Variants in ZNF827 observed in about 807,000 individuals in gnomAD.
The protein encoded by ZNF827 is zinc finger protein 827.
A neutral mutation model predicts 102.4 loss-of-function variants in ZNF827; 13 were observed. The ratio of observed to expected loss-of-function variants is 0.13; its 90% CI spans 0.08 to 0.20. The LOEUF is 0.20. Ranked by LOEUF, ZNF827 falls within the 10% of genes least tolerant of loss-of-function variation. The pLI is 1.00. For synonymous variants in ZNF827, 523 were observed against 536.2 expected, an observed-to-expected ratio of 0.98 and a Z score of 0.34; for missense variants, 1,103 against 1,344.4, an observed-to-expected ratio of 0.82 and a Z score of 2.81.
In ZNF827 at chr4:145,765,304, A is replaced by C; in HGVS notation, c.3053-139T>G. ...TACCCTTCCAGGCACTGTTCCCCATATCTCTGTGCTAAAAGGAGTTAAATG... is the reference window on the plus strand; with the variant it reads ...TACCCTTCCAGGCACTGTTCCCCATCTCTCTGTGCTAAAAGGAGTTAAATG... On this transcript the variant is annotated intron_variant, in intron 12 of 14. Coordinates refer to ENST00000508784, the MANE Select transcript of ZNF827 (RefSeq NM_001306215.2). The surrounding 1 kb of genome is among the most constrained non-coding windows in gnomAD (Gnocchi z 4.7). The C allele has an allele frequency of 9.6e-7, 1 of 1,042,402 alleles. No homozygotes were observed. Among genetic ancestry groups the C allele is most frequent in the Non-Finnish European group, 1.4e-6 (1 of 738,132 alleles). The allele number at this position is 1,042,402 out of a possible 1,614,324, so 64.6% of individuals were successfully genotyped here. A position where few individuals can be genotyped will look rare whatever the true frequency, so the allele number is the denominator to read the frequency against.
At chr4:145,798,865 GTTTGTAAA>G (rs1740620384) in intron 8 of ZNF827, among the ~76,000 whole-genome samples, 2 of 152,288 alleles carry the variant, frequency 1.3e-5, no homozygotes, top group African/African-American at 4.8e-5. Flanking sequence ...TCCACTGTGA[GTTTGTAAA>G]TGTCTTTATT....
chr4:145,910,292 C>G (rs560627574), intron 1 of ZNF827, among the ~76,000 whole-genome samples: 1 of 152,146 alleles, frequency 6.6e-6, no homozygotes, highest in African/African-American at 2.4e-5. Context: ...GTAGCTAAGT[C>G]AGTTTCAGTA....
chr4:145,796,521 T>C (rs1740395147), intron 8 of ZNF827, among the ~76,000 whole-genome samples: 1 of 152,138 alleles, frequency 6.6e-6, no homozygotes, highest in Non-Finnish European at 1.5e-5. Context: ...CCTTAACCCC[T>C]GTGCAGGAAA....
intron 1 of ZNF827, among the ~76,000 whole-genome samples, chr4:145,933,557 A>G (rs1753958054): frequency 6.6e-6 from 1 of 152,242 alleles, no homozygotes; most frequent in Non-Finnish European, 1.5e-5. Flanking sequence ...AGAATTTTAA[A>G]AAGTTTTGTT....
chr4:145,775,648 G>A, intron 10 of ZNF827, 141 bp downstream of exon 10: 1 of 1,061,898 alleles, frequency 9.4e-7, no homozygotes, highest in Non-Finnish European at 1.4e-6. Flanking sequence ...GGCTCAATCT[G>A]AGCAAAGAAA....
At chr4:145,816,226 A>G (rs1019910925) in intron 8 of ZNF827, among the ~76,000 whole-genome samples, 7 of 152,220 alleles carry the variant, frequency 4.6e-5, no homozygotes, top group Admixed American at 4.6e-4. Context: ...AAGCACAAAC[A>G]TGAAAGTGTT....
intron 8 of ZNF827, among the ~76,000 whole-genome samples, chr4:145,798,821 G>A (rs1401747146): frequency 6.6e-6 from 1 of 152,232 alleles, no homozygotes; most frequent in Admixed American, 6.5e-5. Flanking sequence ...AGGTAAGAGA[G>A]CTACTGCCAT....
intron 3 of ZNF827, among the ~76,000 whole-genome samples, chr4:145,889,572 G>C (rs146724795): frequency 5.4e-5 from 3 of 55,386 alleles, no homozygotes; most frequent in Admixed American, 1.9e-4. Context: ...TTTTTTTTTT[G>C]AGACGGAGTC....
At position 145,765,479 on chromosome 4, in the gene ZNF827, C is replaced by G. The variant is rs1382871618; in HGVS notation, c.3052+68G>C. 37 of 1,529,870 alleles carry G rather than the reference C, an allele frequency of 2.4e-5. No individual in the cohort carries two copies. Among genetic ancestry groups the G allele is most frequent in the South Asian group, 3.9e-5 (3 of 77,144 alleles). 94.8% of individuals were successfully genotyped at this position (1,529,870 alleles called of 1,614,324 possible). ...TTTTTGACATCGCTCCTGTGCAGGGCTTATTCTCAAGAATGGGTCATCCTG... is the reference window on the plus strand; with the variant it reads ...TTTTTGACATCGCTCCTGTGCAGGGGTTATTCTCAAGAATGGGTCATCCTG... On this transcript the variant is annotated intron_variant, in intron 12 of 14. Coordinates refer to ENST00000508784, the MANE Select transcript of ZNF827 (RefSeq NM_001306215.2). This position sits in a 1 kb window ranked among gnomAD's most constrained non-coding sequence, Gnocchi z 4.7.
At chr4:145,829,922 T>C (rs1744042437) in intron 7 of ZNF827, among the ~76,000 whole-genome samples, 2 of 152,198 alleles carry the variant, frequency 1.3e-5, no homozygotes. Flanking sequence ...ACTTAGACCT[T>C]GAGAAACCCT....
intron 7 of ZNF827, among the ~76,000 whole-genome samples, chr4:145,841,288 T>C (rs559019234): frequency 5.3e-5 from 8 of 152,314 alleles, no homozygotes; most frequent in Non-Finnish European, 1.0e-4. Context: ...CTCGATCTTA[T>C]CCAGCATCTG....
intron 4 of ZNF827, among the ~76,000 whole-genome samples, chr4:145,871,615 G>T (rs905192756): frequency 6.6e-6 from 1 of 152,118 alleles, no homozygotes; most frequent in African/African-American, 2.4e-5. Context: ...CCTAATACAG[G>T]ATTCTTAGAA....
In ZNF827 at chr4:145,762,187, G is replaced by A. The variant is rs1734623470; in HGVS notation, c.*18-589C>T. Among the ~76,000 whole-genome samples the A allele has an allele frequency of 6.6e-6, 1 of 152,196 alleles. No individual in the cohort carries two copies. Among genetic ancestry groups the A allele is most frequent in the Non-Finnish European group, 1.5e-5 (1 of 68,034 alleles). On this transcript the variant is annotated intron_variant, in intron 14 of 14. Transcript: ENST00000508784. This position sits in a 1 kb window ranked among gnomAD's most constrained non-coding sequence, Gnocchi z 4.9. The stretch of plus-strand genomic sequence containing the variant: ...AAGGCCTGTGTGTGTCTCTCTGTGT[G>A]AGTGTGTGCATGTGTACATATCTAT...
Position 145,938,606 on chromosome 4 carries a change from T to G in ZNF827, c.-199A>C. 1.9e-6 allele frequency: 1 copy of G among 539,194 alleles called. No individual in the cohort carries two copies. The highest frequency in any genetic ancestry group is 3.2e-5 in the Admixed American group (1 of 31,738). The allele number at this position is 539,194 out of a possible 1,614,324, so 33.4% of individuals were successfully genotyped here. A position where few individuals can be genotyped will look rare whatever the true frequency, so the allele number is the denominator to read the frequency against. On this transcript the variant is annotated 5_prime_UTR_variant, in exon 1 of 15. Coordinates refer to ENST00000508784, the MANE Select transcript of ZNF827 (RefSeq NM_001306215.2). ...CCAGAAGAGGGGTTTTCTTCTTTTC[T>G]TTCCTTTCTTTTTTCCTTTTTTTTT...
intron 8 of ZNF827, among the ~76,000 whole-genome samples, chr4:145,803,661 TG>T (rs1741134841): frequency 6.6e-6 from 1 of 152,186 alleles, no homozygotes; most frequent in Admixed American, 6.5e-5. Flanking sequence ...TTTTTCCAAT[TG>T]ATCAAAGGAT....
At chr4:145,928,375 T>C (rs1225885703) in intron 1 of ZNF827, among the ~76,000 whole-genome samples, 1 of 152,200 alleles carries the variant, frequency 6.6e-6, no homozygotes, top group Non-Finnish European at 1.5e-5. Flanking sequence ...CTAATACATC[T>C]GGTTGAGAAC....
intron 1 of ZNF827, among the ~76,000 whole-genome samples, chr4:145,910,838 C>T (rs1277102357): frequency 6.6e-6 from 1 of 152,298 alleles, no homozygotes; most frequent in East Asian, 1.9e-4. Context: ...TCTTCCTCTG[C>T]CTGAAACAGC....
chr4:145,818,587 T>C (rs1742827665), intron 8 of ZNF827, among the ~76,000 whole-genome samples: 1 of 152,354 alleles, frequency 6.6e-6, no homozygotes, highest in East Asian at 1.9e-4. Context: ...TTTGTCTAAA[T>C]TGAAAAAGAA....
At chr4:145,867,271 A>G (rs1050848732) in intron 5 of ZNF827, among the ~76,000 whole-genome samples, 2 of 152,238 alleles carry the variant, frequency 1.3e-5, no homozygotes, top group Middle Eastern at 3.2e-3. Flanking sequence ...AAGAAAGCTC[A>G]GATTTTCCCC....
Sources: allele counts gnomAD v4.1 joint callset (sites outside exome capture counted in the v4.1 genomes callset), GRCh38; gene constraint gnomAD v4.1.1; non-coding constraint Gnocchi (gnomAD v3.1); transcripts MANE v1.5; gene names NCBI Gene and HGNC (gene_info 2026-07-23, HGNC 2026-07-21).